CDH5: variants seen among roughly 807,000 people sequenced by gnomAD.
CDH5 encodes the protein cadherin 5.
Under a neutral mutation model 62.0 loss-of-function variants are expected in CDH5, and 28 were observed. The ratio of observed to expected loss-of-function variants is 0.45; its 90% CI spans 0.33 to 0.62. The LOEUF is 0.62. Ranked by LOEUF, CDH5 falls within the 20% of genes least tolerant of loss-of-function variation. The pLI, the probability that CDH5 is intolerant of heterozygous loss-of-function variation, is 0.02. For synonymous variants in CDH5, 464 were observed against 445.8 expected (o/e 1.04, Z -0.52); for missense variants, 940 against 1,065.1 (o/e 0.88, Z 1.63).
chr16:66,398,208 C>A, intron 9 of CDH5, 102 bp downstream of exon 9: 1 of 1,372,380 alleles, frequency 7.3e-7, no homozygotes, highest in Non-Finnish European at 1.0e-6. Context: ...TGTACAATAG[C>A]CTTGAGGAAA....
chr16:66,402,871 C>A lies in CDH5; in HGVS notation c.2057C>A (p.Ala686Glu), dbSNP rs543410829. The A allele has an allele frequency of 8.1e-6, 13 of 1,607,660 alleles. No homozygotes were observed. The highest frequency in any genetic ancestry group is 1.3e-5 in the African/African-American group (1 of 74,978). ...PALDARPSLY[A>E]QVQKPPRHAP... ...CTGGACGCCCGGCCTTCCCTCTATG[C>A]GCAGGTGCAGAAGCCACCGAGGCAC... Residue 686 changes from alanine (A) to glutamate (E), a missense_variant, in exon 12 of 12, where the codon GCG becomes GAG. Transcript: ENST00000341529.
chr16:66,372,089 A>G (rs977985320), intron 1 of CDH5, among the ~76,000 whole-genome samples: 2 of 152,216 alleles, frequency 1.3e-5, no homozygotes, highest in African/African-American at 4.8e-5. Context: ...GATGTCCCAC[A>G]GTGGCTCAGT....
At position 66,390,509 on chromosome 16, in the gene CDH5, C is replaced by T; in HGVS notation, c.888C>T (p.Ser296=). The change falls in exon 6 of 12, where the codon AGC becomes AGT. Residue 296 remains serine (S), a synonymous_variant. Transcript: ENST00000341529. ...CCCAGAACCGGATGACCAAGTACAG[C>T]ATCTTGCGGGGCGACTACCAGGACG... ...DEPQNRMTKY[S]ILRGDYQDAF... is the part of the protein sequence containing the mutation. 1 of 1,614,146 alleles carries T rather than the reference C, an allele frequency of 6.2e-7. No homozygotes were observed. The highest frequency in any genetic ancestry group is 8.5e-7 in the Non-Finnish European group (1 of 1,180,030).
At chr16:66,367,117 C>A (rs1423642721) in intron 1 of CDH5, among the ~76,000 whole-genome samples, 2 of 152,266 alleles carry the variant, frequency 1.3e-5, no homozygotes, top group Non-Finnish European at 2.9e-5. Flanking sequence ...AGAGGACTGG[C>A]ACCCAGGCCT....
rs1961334446 is a variant in CDH5, at chr16:66,403,416, G to C, written c.*247G>C. 1 of 545,156 alleles carries C rather than the reference G, an allele frequency of 1.8e-6. No individual in the cohort carries two copies. The highest frequency in any genetic ancestry group is 3.2e-5 in the Admixed American group (1 of 31,698). 33.8% of individuals were successfully genotyped at this position (545,156 alleles called of 1,614,324 possible). A position where few individuals can be genotyped will look rare whatever the true frequency, so the allele number is the denominator to read the frequency against. On this transcript the variant is annotated 3_prime_UTR_variant, in exon 12 of 12. Transcript: ENST00000341529. This position sits in a 1 kb window ranked among gnomAD's most constrained non-coding sequence, Gnocchi z 4.3. ...CAGGCTGGTGTTCTGTCTGGGCTCA[G>C]ACATCCACATAACCCTGTCACCCAC...
At chr16:66,391,133 G>C (rs1388252430) in intron 6 of CDH5, among the ~76,000 whole-genome samples, 1 of 152,162 alleles carries the variant, frequency 6.6e-6, no homozygotes, top group Non-Finnish European at 1.5e-5. Flanking sequence ...CCTGTGAGGG[G>C]CATAAAAAAT....
intron 9 of CDH5, 142 bp downstream of exon 9, chr16:66,398,248 A>C: frequency 9.4e-7 from 1 of 1,060,776 alleles, no homozygotes; most frequent in East Asian, 2.4e-5. Context: ...ACAGATGGAG[A>C]AACTGAGGCT....
At chr16:66,383,708 GCTGTT>G (rs1960934702) in intron 2 of CDH5, among the ~76,000 whole-genome samples, 1 of 152,156 alleles carries the variant, frequency 6.6e-6, no homozygotes, top group Non-Finnish European at 1.5e-5. Flanking sequence ...CTCTAGTCCA[GCTGTT>G]CATCATGCAT....
At chr16:66,390,663 AT>A in intron 6 of CDH5, 73 bp downstream of exon 6, 2 of 1,422,880 alleles carry the variant, frequency 1.4e-6, no homozygotes, top group South Asian at 2.5e-5. Flanking sequence ...CTGCTTGGGG[AT>A]TGCTCCTGGG....
chr16:66,392,519 AC>A, intron 7 of CDH5, 136 bp downstream of exon 7: 2 of 1,238,702 alleles, frequency 1.6e-6, no homozygotes, highest in Non-Finnish European at 2.2e-6. Context: ...CAGAGGCAAG[AC>A]CAGAAGCCCA....
intron 2 of CDH5, among the ~76,000 whole-genome samples, chr16:66,382,883 G>A (rs1451935080): frequency 6.6e-6 from 1 of 152,154 alleles, no homozygotes; most frequent in Non-Finnish European, 1.5e-5. Context: ...CTGGACAATG[G>A]GAGCAAGTCC....
In CDH5 at chr16:66,381,526, T is replaced by G. The variant is rs1200062928; in HGVS notation, c.210+1979T>G. Reference sequence around the variant, plus strand: ...CAGAGTTTTCAATGAGGAAGAAAGTTTATTTTGAGTGCGTTAAAATCTCAC... The same window carrying G: ...CAGAGTTTTCAATGAGGAAGAAAGTGTATTTTGAGTGCGTTAAAATCTCAC... On this transcript the variant is annotated intron_variant, in intron 2 of 11. Coordinates refer to ENST00000341529, the MANE Select transcript of CDH5 (RefSeq NM_001795.5). Among the ~76,000 whole-genome samples, 3 of 152,204 alleles carry G rather than the reference T, an allele frequency of 2.0e-5. No individual in the cohort carries two copies. The East Asian group carries it at 5.8e-4, about 29-fold the overall frequency.
At chr16:66,381,096 C>A (rs1164768457) in intron 2 of CDH5, among the ~76,000 whole-genome samples, 1 of 152,136 alleles carries the variant, frequency 6.6e-6, no homozygotes, top group Non-Finnish European at 1.5e-5. Context: ...AACTGTGCAG[C>A]CTTCCACAAA....
chr16:66,383,872 C>A (rs754183107), intron 2 of CDH5, among the ~76,000 whole-genome samples: 1 of 152,102 alleles, frequency 6.6e-6, no homozygotes. Flanking sequence ...ACTTCCTCCC[C>A]TTCTAGAATC....
At chr16:66,375,560 A>T (rs551853058) in intron 1 of CDH5, among the ~76,000 whole-genome samples, 29 of 151,948 alleles carry the variant, frequency 1.9e-4, no homozygotes, top group African/African-American at 7.0e-4. Context: ...AAAAATAAAA[A>T]TAAAAAAATA....
intron 1 of CDH5, among the ~76,000 whole-genome samples, chr16:66,372,256 G>A (rs755277246): frequency 5.9e-5 from 9 of 152,214 alleles, no homozygotes; most frequent in Non-Finnish European, 4.4e-5. Context: ...TCTCTCCCAC[G>A]GAAGTGGAGC....
intron 1 of CDH5, among the ~76,000 whole-genome samples, chr16:66,378,181 A>G (rs1960819379): frequency 6.6e-6 from 1 of 152,362 alleles, no homozygotes; most frequent in East Asian, 1.9e-4. Flanking sequence ...TTCTGAAGAC[A>G]GAATCAAGGC....
chr16:66,402,812 G>A lies in CDH5; in HGVS notation c.1998G>A (p.Val666=). 1 of 1,599,304 alleles carries A rather than the reference G, an allele frequency of 6.3e-7. No individual in the cohort carries two copies. Among genetic ancestry groups the A allele is most frequent in the African/African-American group, 1.3e-5 (1 of 74,866 alleles). ...ACGATGTGTCGGTGCTCAACTCGGT[G>A]CGCCGCGGCGGGGCCAAGCCCCCGC... ...TSYDVSVLNS[V]RRGGAKPPRP... The change falls in exon 12 of 12, where the codon GTG becomes GTA. Residue 666 remains valine, a synonymous_variant. Transcript: ENST00000341529.
chr16:66,402,452 G>T (rs1961300602), intron 11 of CDH5, among the ~76,000 whole-genome samples, 200 bp from the exon 12 acceptor site: 2 of 111,940 alleles, frequency 1.8e-5, no homozygotes, highest in East Asian at 6.5e-4. Context: ...GGGGATGGGG[G>T]TATGGGGGAA....
Sources: gnomAD v4.1 joint callset for allele counts (sites outside exome capture counted in the v4.1 genomes callset) on GRCh38, gnomAD v4.1.1 for gene constraint, Gnocchi (gnomAD v3.1) non-coding constraint, MANE v1.5 for transcripts, NCBI Gene and HGNC (gene_info 2026-07-23, HGNC 2026-07-21) for gene names.